Variants in GNG7 observed in about 807,000 individuals in gnomAD.
GNG7 encodes G protein subunit gamma 7.
GNG7 carries 1 observed loss-of-function variant against 4.0 expected under a neutral mutation model. The observed-to-expected ratio is 0.25, with a 90% CI of 0.09 to 1.18. GNG7 has a LOEUF of 1.18. Among genes scored for constraint, GNG7 ranks in the 50% most tolerant of loss-of-function variants. The pLI is 0.50. For missense variants in GNG7, 86 were observed against 91.9 expected (o/e 0.94, Z 0.26); for synonymous variants, 34 against 36.9 (o/e 0.92, Z 0.29).
Position 2,512,952 on chromosome 19 carries a change from G to C in GNG7, c.*2070C>G. 3 of 985,506 alleles carry C rather than the reference G, an allele frequency of 3.0e-6. No homozygotes were observed. The South Asian group carries it at 1.4e-4, about 46-fold the overall frequency. The allele number at this position is 985,506 out of a possible 1,614,324, so 61.0% of individuals were successfully genotyped here. ...GCTCCCAGCCCAACCACAGGAGGCT[G>C]CAGTCTCCGGGAGCCTCTGGGGCTC... On this transcript the variant is annotated 3_prime_UTR_variant, in exon 5 of 5. Transcript: ENST00000382159. This position sits in a 1 kb window ranked among gnomAD's most constrained non-coding sequence, Gnocchi z 4.7.
intron 2 of GNG7, among the ~76,000 whole-genome samples, chr19:2,606,714 G>C (rs962247841): frequency 2.0e-5 from 3 of 151,262 alleles, no homozygotes; most frequent in African/African-American, 7.3e-5. Context: ...GTTAGACCCT[G>C]TCTCAAAAAT....
At chr19:2,566,652 A>T (rs1441673834) in intron 2 of GNG7, among the ~76,000 whole-genome samples, 1 of 151,978 alleles carries the variant, frequency 6.6e-6, no homozygotes. Flanking sequence ...GGTTGGCAAC[A>T]TTTTCCTGTA....
chr19:2,527,970 G>T (rs1196773757), intron 3 of GNG7, among the ~76,000 whole-genome samples: 19 of 152,036 alleles, frequency 1.2e-4, no homozygotes, highest in Non-Finnish European at 2.9e-5. Flanking sequence ...AAAATAAATG[G>T]TACTGAATGA....
chr19:2,612,938 C>A (rs144786248), intron 2 of GNG7, among the ~76,000 whole-genome samples: 2,896 of 151,986 alleles, frequency 0.019, 97 homozygotes, highest in African/African-American at 0.066. Flanking sequence ...GTGATCCGTC[C>A]GCCTCGGCCT....
intron 2 of GNG7, among the ~76,000 whole-genome samples, chr19:2,638,423 GGGAA>G (rs1340063484): frequency 1.2e-5 from 1 of 83,118 alleles, no homozygotes; most frequent in African/African-American, 4.6e-5. Context: ...GGAGGGGAAG[GGGAA>G]GGAGGGGAAG....
At chr19:2,636,537 T>C (rs988229527) in intron 2 of GNG7, among the ~76,000 whole-genome samples, 1 of 152,180 alleles carries the variant, frequency 6.6e-6, no homozygotes, top group African/African-American at 2.4e-5. Flanking sequence ...TTCCATTCTC[T>C]GGTCCGAGCT....
At chr19:2,677,901 C>T (rs991399553) in intron 1 of GNG7, among the ~76,000 whole-genome samples, 2 of 152,168 alleles carry the variant, frequency 1.3e-5, no homozygotes, top group African/African-American at 4.8e-5. Flanking sequence ...CGATCTGGCC[C>T]CAAGGTCCAC....
intron 1 of GNG7, among the ~76,000 whole-genome samples, chr19:2,675,125 CCGCAACGG>C (rs1983561717): frequency 6.6e-6 from 1 of 152,182 alleles, no homozygotes; most frequent in South Asian, 2.1e-4. Flanking sequence ...CCAAACAAAT[CCGCAACGG>C]CGCCAAGCAC....
Position 2,514,865 on chromosome 19 carries a change from G to A in GNG7, c.*157C>T, listed in dbSNP as rs561330504. 3.5e-5 allele frequency: 22 copies of A among 623,516 alleles called. 1 individual carries two copies. Among genetic ancestry groups the A allele is most frequent in the South Asian group, 2.4e-4 (12 of 49,748 alleles). The allele number at this position is 623,516 out of a possible 1,614,324, so 38.6% of individuals were successfully genotyped here. On this transcript the variant is annotated 3_prime_UTR_variant, in exon 5 of 5. Coordinates refer to ENST00000382159, the MANE Select transcript of GNG7 (RefSeq NM_052847.3). Reference sequence around the variant, plus strand: ...GGGCGGTGGGAACGCCTTTTTTGGCGGGGAGAGGGGGGATTTCTTTTGGAA... The same window carrying A: ...GGGCGGTGGGAACGCCTTTTTTGGCAGGGAGAGGGGGGATTTCTTTTGGAA...
chr19:2,535,768 T>G (rs1339873834), intron 3 of GNG7, among the ~76,000 whole-genome samples: 2 of 152,106 alleles, frequency 1.3e-5, no homozygotes, highest in African/African-American at 4.8e-5. Flanking sequence ...ACTCGGAAAG[T>G]CATATGGGCT....
chr19:2,574,504 C>T (rs919625379), intron 2 of GNG7, among the ~76,000 whole-genome samples: 24 of 152,194 alleles, frequency 1.6e-4, no homozygotes, highest in African/African-American at 5.5e-4. Flanking sequence ...TGTCTGGATC[C>T]TCTCACTGAG....
intron 2 of GNG7, among the ~76,000 whole-genome samples, chr19:2,596,184 C>A (rs963531257): frequency 2.0e-5 from 3 of 152,032 alleles, no homozygotes; most frequent in Non-Finnish European, 2.9e-5. Flanking sequence ...CATGGTGAAA[C>A]CCCATCTCTA....
chr19:2,592,380 G>A (rs1458900204), intron 2 of GNG7, among the ~76,000 whole-genome samples: 2 of 152,108 alleles, frequency 1.3e-5, no homozygotes, highest in East Asian at 1.9e-4. Context: ...TTCTAGCAAT[G>A]TGGCAGAAAA....
At position 2,661,010 on chromosome 19, in the gene GNG7, G is replaced by A. The variant is rs571216076; in HGVS notation, c.-134-14730C>T. ...GCAGATCACCTGAGGTTGGGAGTTC[G>A]AGGTCAGCCTGACCAACATGGAGAA... is the stretch of plus-strand genomic sequence containing the variant. On this transcript the variant is annotated intron_variant, in intron 1 of 4. Transcript: ENST00000382159. Among the ~76,000 whole-genome samples the A allele has an allele frequency of 1.4e-4, 21 of 151,388 alleles. No individual in the cohort carries two copies. In the Middle Eastern group the frequency reaches 0.01, roughly 74 times the overall value.
intron 2 of GNG7, among the ~76,000 whole-genome samples, chr19:2,574,397 C>G (rs1283203918): frequency 6.6e-6 from 1 of 152,206 alleles, no homozygotes; most frequent in Non-Finnish European, 1.5e-5. Context: ...TCCCCCTCCC[C>G]AGCCCCTGGC....
intron 2 of GNG7, among the ~76,000 whole-genome samples, chr19:2,624,528 C>CAAAA (rs921061279): frequency 3.2e-5 from 2 of 62,456 alleles, no homozygotes; most frequent in African/African-American, 5.1e-5. Context: ...GACTCCGTCT[C>CAAAA]AAAAAAAAAA....
At chr19:2,658,972 A>ATTT (rs35180729) in intron 1 of GNG7, among the ~76,000 whole-genome samples, 2 of 143,344 alleles carry the variant, frequency 1.4e-5, no homozygotes, top group African/African-American at 5.1e-5. Context: ...AAGCGTTCTG[A>ATTT]TTTTTTTTTT....
chr19:2,599,558 T>G (rs915090784), intron 2 of GNG7, among the ~76,000 whole-genome samples: 3 of 152,072 alleles, frequency 2.0e-5, no homozygotes, highest in African/African-American at 7.2e-5. Context: ...GGGTATTTCA[T>G]GAAGCTGTTG....
chr19:2,657,807 G>A (rs1220601477), intron 1 of GNG7, among the ~76,000 whole-genome samples: 2 of 152,156 alleles, frequency 1.3e-5, no homozygotes, highest in African/African-American at 2.4e-5. Context: ...CTGAGGGCAC[G>A]AGCTGCCTGG....
Sources: gnomAD v4.1 joint callset for allele counts (sites outside exome capture counted in the v4.1 genomes callset) on GRCh38, gnomAD v4.1.1 for gene constraint, Gnocchi (gnomAD v3.1) non-coding constraint, MANE v1.5 for transcripts, NCBI Gene and HGNC (gene_info 2026-07-23, HGNC 2026-07-21) for gene names.